The following RASA2 variants were observed in gnomAD, a reference collection of about 807,000 sequenced individuals.
RASA2 encodes the protein ras GTPase-activating protein 2.
In RASA2, 155 loss-of-function variants were observed where a neutral mutation model predicts 118.2. That is an observed-to-expected ratio of 1.31 (90% CI 1.15 to 1.50). The LOEUF is 1.50. Ranked by LOEUF, RASA2 falls within the 40% of genes most tolerant of loss-of-function variation. The pLI, the probability that RASA2 is intolerant of heterozygous loss-of-function variation, is 0.00. For synonymous variants in RASA2, 353 were observed against 349.1 expected (o/e 1.01, Z -0.12); for missense variants, 1,016 against 1,009.6 (o/e 1.01, Z -0.09).
At chr3:141,553,826 AAT>A (rs1232814580) in intron 5 of RASA2, 29 bp from the exon 6 acceptor site, 1 of 1,585,152 alleles carries the variant, frequency 6.3e-7, no homozygotes, top group Non-Finnish European at 8.6e-7. Context: ...ACTGGAATCT[AAT>A]ATGTTAAATC....
chr3:141,489,375 G>A (rs552224692), intron 1 of RASA2, among the ~76,000 whole-genome samples: 1 of 152,292 alleles, frequency 6.6e-6, no homozygotes, highest in Admixed American at 6.5e-5. Flanking sequence ...ACTAACATGT[G>A]GGTTTTGTAG....
intron 9 of RASA2, among the ~76,000 whole-genome samples, chr3:141,565,727 C>G (rs113479059): frequency 0.023 from 3,432 of 152,280 alleles, 137 homozygotes; most frequent in African/African-American, 0.077. Flanking sequence ...TTATAAATTA[C>G]CCAGCTTTGG....
At chr3:141,545,078 A>G (rs1408609913) in intron 5 of RASA2, among the ~76,000 whole-genome samples, 1 of 152,216 alleles carries the variant, frequency 6.6e-6, no homozygotes, top group Non-Finnish European at 1.5e-5. Context: ...AATCTGTACA[A>G]CAAACCCTTG....
Position 141,572,596 on chromosome 3 carries a change from A to C in RASA2, c.1170-13A>C. On this transcript the variant is annotated splice_polypyrimidine_tract_variant and intron_variant, in intron 11 of 23. Coordinates refer to ENST00000286364, the MANE Select transcript of RASA2 (RefSeq NM_006506.5). ...TTGTTTACTACATTTGGTTTCATCT[A>C]TTTCTATTTCAGAGATGCAAACACA... 1 of 1,575,728 alleles carries C rather than the reference A, an allele frequency of 6.3e-7. No individual in the cohort carries two copies. Among genetic ancestry groups the C allele is most frequent in the South Asian group, 1.1e-5 (1 of 90,346 alleles).
chr3:141,586,106 A>G lies in RASA2; in HGVS notation c.1826+8A>G. 6.3e-7 allele frequency: 1 copy of G among 1,588,530 alleles called. No individual in the cohort carries two copies. Among genetic ancestry groups the G allele is most frequent in the Non-Finnish European group, 8.6e-7 (1 of 1,157,538 alleles). On this transcript the variant is annotated splice_region_variant and intron_variant, in intron 18 of 23. Coordinates refer to ENST00000286364, the MANE Select transcript of RASA2 (RefSeq NM_006506.5). ...TGTGCACCTGAAAGAAGGGTAATTT[A>G]ATCAAATTAGACGTGAAAGTCATAT... is the stretch of plus-strand genomic sequence containing the variant.
chr3:141,576,345 G>A (rs931365275), intron 14 of RASA2, among the ~76,000 whole-genome samples: 7 of 152,184 alleles, frequency 4.6e-5, no homozygotes, highest in Non-Finnish European at 1.0e-4. Flanking sequence ...GAATGACTTA[G>A]AAGAGTTAAA....
At chr3:141,516,528 T>C in intron 3 of RASA2, 97 bp downstream of exon 3, 1 of 911,360 alleles carries the variant, frequency 1.1e-6, no homozygotes, top group Middle Eastern at 2.8e-4. Flanking sequence ...TAATATATGC[T>C]CAACATCTCT....
intron 5 of RASA2, among the ~76,000 whole-genome samples, chr3:141,549,472 A>AGTGT (rs796833839): frequency 2.2e-5 from 3 of 134,846 alleles, no homozygotes; most frequent in African/African-American, 5.7e-5. Context: ...AGTGTGTATG[A>AGTGT]GTGTGTGTGT....
chr3:141,595,344 T>C (rs1299939675), intron 19 of RASA2, among the ~76,000 whole-genome samples: 2 of 152,184 alleles, frequency 1.3e-5, no homozygotes, highest in Non-Finnish European at 2.9e-5. Context: ...TCCAATAATA[T>C]ACTTTCTACA....
At chr3:141,501,962 T>A (rs1306574407) in intron 1 of RASA2, among the ~76,000 whole-genome samples, 3 of 152,186 alleles carry the variant, frequency 2.0e-5, no homozygotes, top group African/African-American at 7.2e-5. Context: ...GATATTTCTA[T>A]TACTGGTTGA....
At chr3:141,531,658 G>A (rs1163920996) in intron 4 of RASA2, among the ~76,000 whole-genome samples, 1 of 151,824 alleles carries the variant, frequency 6.6e-6, no homozygotes, top group African/African-American at 2.4e-5. Flanking sequence ...TAAAAATTTT[G>A]TACAAGTTAT....
chr3:141,608,790 C>T (rs923920983), intron 21 of RASA2, 93 bp downstream of exon 21: 2 of 1,336,540 alleles, frequency 1.5e-6, no homozygotes, highest in Non-Finnish European at 2.1e-6. Context: ...GAATGACATA[C>T]TGATCCATGC....
At position 141,540,521 on chromosome 3, in the gene RASA2, T is replaced by C. The variant is rs754078370; in HGVS notation, c.451-12T>C. 13 of 1,597,596 alleles carry C rather than the reference T, an allele frequency of 8.1e-6. No individual in the cohort carries two copies. Among genetic ancestry groups the C allele is most frequent in the Non-Finnish European group, 1.0e-5 (12 of 1,166,336 alleles). On this transcript the variant is annotated splice_polypyrimidine_tract_variant and intron_variant, in intron 4 of 23. Transcript: ENST00000286364. ...ATAGACTACTCAGTTTGTAATCTTT[T>C]TGTCATTATAGGGTAAAGTTCACCT...
chr3:141,522,069 A>G (rs899057453), intron 3 of RASA2, among the ~76,000 whole-genome samples: 1 of 152,158 alleles, frequency 6.6e-6, no homozygotes, highest in Non-Finnish European at 1.5e-5. Flanking sequence ...CAAGTTGAGC[A>G]TAGATAGATT....
At chr3:141,561,693 T>G (rs1234553749) in intron 9 of RASA2, among the ~76,000 whole-genome samples, 1 of 152,204 alleles carries the variant, frequency 6.6e-6, no homozygotes, top group Non-Finnish European at 1.5e-5. Context: ...CCCTCAGGAT[T>G]TCAGGCAAAT....
At chr3:141,592,821 A>C (rs2083307606) in intron 19 of RASA2, among the ~76,000 whole-genome samples, 1 of 152,140 alleles carries the variant, frequency 6.6e-6, no homozygotes, top group South Asian at 2.1e-4. Context: ...TTGAGGAAAA[A>C]AAAGAAGTAA....
chr3:141,580,085 AATATATAT>A (rs1207351331), intron 15 of RASA2, among the ~76,000 whole-genome samples: 829 of 59,542 alleles, frequency 0.014, 54 homozygotes, highest in African/African-American at 0.048. Context: ...AAAAAAAAAA[AATATATAT>A]ATATATATAT....
chr3:141,497,665 C>A, intron 1 of RASA2, among the ~76,000 whole-genome samples: 1 of 150,096 alleles, frequency 6.7e-6, no homozygotes. Flanking sequence ...AGTTTGAGAC[C>A]AGCCTGGGCC....
At chr3:141,543,850 C>CTTTTTTCT in intron 5 of RASA2, among the ~76,000 whole-genome samples, 1 of 141,680 alleles carries the variant, frequency 7.1e-6, no homozygotes, top group Non-Finnish European at 1.6e-5. Context: ...GATTTCTTTT[C>CTTTTTTCT]TTTTTTCTTT....
Sources: gnomAD v4.1 joint callset for allele counts (sites outside exome capture counted in the v4.1 genomes callset) on GRCh38, gnomAD v4.1.1 for gene constraint, MANE v1.5 for transcripts, NCBI Gene and HGNC (gene_info 2026-07-23, HGNC 2026-07-21) for gene names.